Variants in SEC24D observed in about 807,000 individuals in gnomAD.
The protein encoded by SEC24D is protein transport protein Sec24D.
SEC24D carries 69 observed loss-of-function variants against 116.9 expected under a neutral mutation model. That is an observed-to-expected ratio of 0.59 (90% CI 0.49 to 0.72). The LOEUF is 0.72. Ranked by LOEUF, SEC24D falls within the 30% of genes least tolerant of loss-of-function variation. The probability of loss-of-function intolerance (pLI) is 0.00; values close to 1 mark genes in which losing one functional copy is unlikely to be tolerated. For missense variants in SEC24D, 1,131 were observed against 1,264.1 expected, an observed-to-expected ratio of 0.89 and a Z score of 1.60; for synonymous variants, 405 against 442.8, an observed-to-expected ratio of 0.91 and a Z score of 1.07.
chr4:118,748,081 C>T (rs1463608743), intron 13 of SEC24D, among the ~76,000 whole-genome samples: 5 of 152,096 alleles, frequency 3.3e-5, no homozygotes, highest in East Asian at 1.9e-4. Flanking sequence ...CTGCCTAACA[C>T]GGTGAAACCC....
chr4:118,824,501 G>C (rs974320880), intron 3 of SEC24D, 119 bp downstream of exon 3: 2 of 1,040,342 alleles, frequency 1.9e-6, no homozygotes, highest in African/African-American at 1.6e-5. Context: ...ATCCTTTCAG[G>C]GGTGTGTAAC....
intron 8 of SEC24D, among the ~76,000 whole-genome samples, chr4:118,792,018 C>G (rs754837220): frequency 4.7e-4 from 71 of 151,606 alleles, no homozygotes; most frequent in Middle Eastern, 3.4e-3. Flanking sequence ...CTCTTCCCGG[C>G]CTCATCCCGT....
Position 118,739,195 on chromosome 4 carries a change from A to G in SEC24D, c.2331T>C (p.Tyr777=). ...TAAGAGCATCTGTCTCACAGCTCTT[A>G]TAAAGATCAGCTAGCTGAGAGCTGC... ...LNCSSQLADL[Y]KSCETDALIN... The change falls in exon 18 of 23, where the codon TAT becomes TAC. Residue 777 remains tyrosine (Y), a synonymous_variant. Coordinates refer to ENST00000280551, the MANE Select transcript of SEC24D (RefSeq NM_014822.4). 6.2e-7 allele frequency: 1 copy of G among 1,613,740 alleles called. No individual in the cohort carries two copies. The highest frequency in any genetic ancestry group is 8.5e-7 in the Non-Finnish European group (1 of 1,179,690).
intron 20 of SEC24D, 73 bp from the exon 21 acceptor site, chr4:118,731,580 C>T: frequency 7.7e-7 from 1 of 1,299,786 alleles, no homozygotes. Context: ...CTTTTCCTTT[C>T]CTTTTTCCTC....
intron 10 of SEC24D, among the ~76,000 whole-genome samples, chr4:118,764,067 A>G (rs992352675): frequency 2.0e-5 from 3 of 152,182 alleles, no homozygotes; most frequent in African/African-American, 7.2e-5. Flanking sequence ...TCAGATGAAC[A>G]TCTGGTATAA....
chr4:118,807,535 TG>T (rs1393722657), intron 6 of SEC24D, among the ~76,000 whole-genome samples: 1 of 144,428 alleles, frequency 6.9e-6, no homozygotes, highest in Admixed American at 6.9e-5. Flanking sequence ...AAAAAAAAAA[TG>T]GAGAAACAGG....
At chr4:118,726,586 T>G (rs72679021) in intron 22 of SEC24D, among the ~76,000 whole-genome samples, 1 of 152,152 alleles carries the variant, frequency 6.6e-6, no homozygotes, top group Non-Finnish European at 1.5e-5. Context: ...AAGTGGCAGC[T>G]TCTATGAAGG....
intron 10 of SEC24D, among the ~76,000 whole-genome samples, chr4:118,763,134 G>A (rs1727467824): frequency 1.3e-5 from 2 of 152,232 alleles, no homozygotes; most frequent in Non-Finnish European, 2.9e-5. Flanking sequence ...CAACTAAACT[G>A]TCCAAAAGTC....
At chr4:118,823,813 T>C (rs1411194307) in intron 3 of SEC24D, among the ~76,000 whole-genome samples, 1 of 152,176 alleles carries the variant, frequency 6.6e-6, no homozygotes, top group Non-Finnish European at 1.5e-5. Flanking sequence ...TCCTGTGTTG[T>C]TTTTACTACA....
At chr4:118,772,592 G>A (rs1171676301) in intron 8 of SEC24D, among the ~76,000 whole-genome samples, 1 of 152,072 alleles carries the variant, frequency 6.6e-6, no homozygotes, top group East Asian at 1.9e-4. Flanking sequence ...ACAGAGGTAC[G>A]GTTGGGATAG....
intron 8 of SEC24D, among the ~76,000 whole-genome samples, chr4:118,780,178 T>C (rs913634304): frequency 6.6e-6 from 1 of 152,202 alleles, no homozygotes; most frequent in Admixed American, 6.5e-5. Context: ...CTCTAGTTCT[T>C]TTAATTGTGA....
At chr4:118,789,627 T>A (rs966487039) in intron 8 of SEC24D, among the ~76,000 whole-genome samples, 5 of 152,244 alleles carry the variant, frequency 3.3e-5, no homozygotes, top group African/African-American at 4.8e-5. Flanking sequence ...CTCTGTCACT[T>A]AAGCTAGAGC....
At chr4:118,791,329 G>A (rs773454958) in intron 8 of SEC24D, among the ~76,000 whole-genome samples, 9 of 152,020 alleles carry the variant, frequency 5.9e-5, no homozygotes, top group Non-Finnish European at 1.0e-4. Context: ...GAGTAACAGC[G>A]CAGTGCTTTA....
chr4:118,738,102 C>G, intron 19 of SEC24D, 159 bp downstream of exon 19: 1 of 525,316 alleles, frequency 1.9e-6, no homozygotes, highest in East Asian at 3.2e-5. Context: ...AAAAAAAAAC[C>G]ACAGCCCCCC....
chr4:118,778,140 G>A (rs1047418677), intron 8 of SEC24D, among the ~76,000 whole-genome samples: 4 of 152,166 alleles, frequency 2.6e-5, no homozygotes, highest in African/African-American at 9.6e-5. Context: ...TCTGGCTTTT[G>A]TCACCATTGC....
At chr4:118,778,114 G>C (rs1728234151) in intron 8 of SEC24D, among the ~76,000 whole-genome samples, 1 of 152,162 alleles carries the variant, frequency 6.6e-6, no homozygotes, top group African/African-American at 2.4e-5. Context: ...AGTTTAACTA[G>C]ATCACATTTG....
intron 9 of SEC24D, among the ~76,000 whole-genome samples, chr4:118,766,065 G>A (rs1283275238): frequency 2.0e-5 from 3 of 152,080 alleles, no homozygotes; most frequent in Non-Finnish European, 2.9e-5. Context: ...ATGCTGCCTC[G>A]GCTATCTTAG....
intron 2 of SEC24D, among the ~76,000 whole-genome samples, chr4:118,826,606 C>CTTT (rs199828904): frequency 4.4e-4 from 65 of 146,956 alleles, no homozygotes; most frequent in African/African-American, 1.6e-3. Flanking sequence ...CGAAAATATT[C>CTTT]TTTTTTTTTT....
intron 4 of SEC24D, among the ~76,000 whole-genome samples, chr4:118,816,088 A>ATTT (rs34404398): frequency 4.3e-4 from 44 of 101,314 alleles, no homozygotes; most frequent in African/African-American, 5.1e-4. Context: ...CGCCAAGTTC[A>ATTT]TTTTTTTTTT....
Sources: allele counts gnomAD v4.1 joint callset (sites outside exome capture counted in the v4.1 genomes callset), GRCh38; gene constraint gnomAD v4.1.1; transcripts MANE v1.5; gene names NCBI Gene and HGNC (gene_info 2026-07-23, HGNC 2026-07-21).